Variants in L1CAM observed in about 807,000 individuals in gnomAD.
The protein encoded by L1CAM is L1 cell adhesion molecule, also known as neural cell adhesion molecule L1.
In L1CAM, 8 loss-of-function variants were observed where a neutral mutation model predicts 93.0. That is an observed-to-expected ratio of 0.09 (90% CI 0.05 to 0.16). The LOEUF is 0.16. Ranked by LOEUF, L1CAM falls within the 10% of genes least tolerant of loss-of-function variation. L1CAM has a pLI of 1.00. For missense variants in L1CAM, 777 were observed against 1,073.4 expected (o/e 0.72, Z 3.86); for synonymous variants, 453 against 453.0 (o/e 1.00, Z 0.00).
In L1CAM at chrX:153,872,373, C is replaced by T. The variant is rs1569544920; in HGVS notation, c.198-19G>A. 8.3e-7 allele frequency: 1 copy of T among 1,201,083 alleles called. No homozygotes were observed. The highest frequency in any genetic ancestry group is 3.0e-5 in the East Asian group (1 of 33,695). ...GCGGAACCTGTGGGCGGAAAAAGGCCCAGAGGCCTGAGGCCCTGGAACCCA... is the reference window on the plus strand; with the variant it reads ...GCGGAACCTGTGGGCGGAAAAAGGCTCAGAGGCCTGAGGCCCTGGAACCCA... On this transcript the variant is annotated intron_variant, in intron 4 of 28. Coordinates refer to ENST00000370060, the MANE Select transcript of L1CAM (RefSeq NM_001278116.2).
chrX:153,865,113 G>A lies in L1CAM; in HGVS notation c.2847C>T (p.Thr949=), dbSNP rs1348748260. ...QPPLSHNGVL[T]GYVLSYHPLD... The stretch of plus-strand genomic sequence containing the variant: ...GGGGGTGGTAGGAGAGCACGTAGCC[G>A]GTGAGCACGCCGTTGTGGCTGAGTG... The change falls in exon 22 of 29, where the codon ACC becomes ACT. Residue 949 remains threonine, a synonymous_variant. Coordinates refer to ENST00000370060, the MANE Select transcript of L1CAM (RefSeq NM_001278116.2). 12 of 1,210,681 alleles carry A rather than the reference G, an allele frequency of 9.9e-6. No individual in the cohort carries two copies. The highest frequency in any genetic ancestry group is 2.3e-4 in the Middle Eastern group (1 of 4,350).
intron 1 of L1CAM, among the ~76,000 whole-genome samples, chrX:153,883,091 T>A (rs1394946895): frequency 9.1e-6 from 1 of 110,393 alleles, no homozygotes; most frequent in Non-Finnish European, 1.9e-5. Flanking sequence ...CCATGGGGGG[T>A]CTGGGCCCAA....
intron 2 of L1CAM, 115 bp downstream of exon 2, chrX:153,875,646 A>C: frequency 1.2e-5 from 8 of 654,834 alleles, no homozygotes; most frequent in Non-Finnish European, 2.0e-5. Flanking sequence ...GTGCCCAGGA[A>C]AGGCCAGGGA....
At position 153,870,916 on chromosome X, in the gene L1CAM, T is replaced by C; in HGVS notation, c.568A>G (p.Asn190Asp). Residue 190 changes from asparagine (N) to aspartate (D), a missense_variant, in exon 7 of 29, where the codon AAC (asparagine) becomes GAC (aspartate). Around this residue, in one of 5 missense-constraint regions of L1CAM, gnomAD observed 574 missense variants for 781.0 expected, o/e 0.73. Transcript: ENST00000370060. ...ACATTGGCAAAGTAGAGGTTGCCGT[T>C]CTGGCCCATCGTCACCCGCTCGTCC... The part of the protein sequence containing the change: ...KQDERVTMGQ[N>D]GNLYFANVLT... 5 of 1,211,101 alleles carry C rather than the reference T, an allele frequency of 4.1e-6. No homozygotes were observed. Among genetic ancestry groups the C allele is most frequent in the Non-Finnish European group, 5.6e-6 (5 of 895,357 alleles).
At chrX:153,870,680 C>T in intron 7 of L1CAM, 110 bp downstream of exon 7, 1 of 905,599 alleles carries the variant, frequency 1.1e-6, no homozygotes, top group Non-Finnish European at 1.6e-6. Context: ...GAGGTGGGAG[C>T]CAAGCTGTTC....
intron 1 of L1CAM, among the ~76,000 whole-genome samples, chrX:153,884,837 G>GC (rs1432559786): frequency 2.7e-5 from 3 of 113,140 alleles, no homozygotes; most frequent in African/African-American, 9.6e-5. Flanking sequence ...CTGGGCAGCA[G>GC]CCCCCAGGGG....
rs1192196478 is a variant in L1CAM, at chrX:153,872,239, C to G, written c.313G>C (p.Ala105Pro). 1 of 1,205,688 alleles carries G rather than the reference C, an allele frequency of 8.3e-7. No individual in the cohort carries two copies. Among genetic ancestry groups the G allele is most frequent in the Non-Finnish European group, 1.1e-6 (1 of 893,501 alleles). The change falls in exon 5 of 29, where the codon GCT becomes CCT. Residue 105 changes from alanine to proline, a missense_variant. Ala to Pro is a conservative substitution (Grantham distance 27, BLOSUM62 -1). This residue lies in a region of L1CAM where 574 missense variants were observed against 781.0 expected (regional missense o/e 0.73). Coordinates refer to ENST00000370060, the MANE Select transcript of L1CAM (RefSeq NM_001278116.2). ...FTITGNNSNF[A>P]QRFQGIYRCF... ...CGGTAGATGCCCTGGAACCTCTGAGCAAAGTTGCTGTTGTTGCCCGTGATG... is the reference window on the plus strand; with the variant it reads ...CGGTAGATGCCCTGGAACCTCTGAGGAAAGTTGCTGTTGTTGCCCGTGATG...
rs137852525 is a variant in L1CAM at position 153,866,826 on chromosome X, C to T, written c.2254G>A (p.Val752Met). Residue 752 changes from valine to methionine, a missense_variant, in exon 19 of 29, where the codon GTG becomes ATG. Coordinates refer to ENST00000370060, the MANE Select transcript of L1CAM (RefSeq NM_001278116.2). ...DWNAPQVQYR[V>M]QWRPQGTRGP... ...CGTGTCCCCTGAGGGCGCCACTGCA[C>T]GCGGTACTGAACCTGGGGGGCGTTC... The T allele has an allele frequency of 1.7e-6, 2 of 1,211,656 alleles. No individual in the cohort carries two copies. The highest frequency in any genetic ancestry group is 2.2e-6 in the Non-Finnish European group (2 of 895,458).
At chrX:153,863,585 CCCAGCCTGACCCGGGGCT>C (rs1569544587) in intron 26 of L1CAM, 36 bp from the exon 27 acceptor site, 1 of 1,138,374 alleles carries the variant, frequency 8.8e-7, no homozygotes, top group East Asian at 3.0e-5. Flanking sequence ...CTTCTCCCGC[CCCAGCCTGACCCGGGGCT>C]CCAGGCCCCT....
At chrX:153,878,412 G>T (rs2064827145) in intron 1 of L1CAM, among the ~76,000 whole-genome samples, 1 of 113,210 alleles carries the variant, frequency 8.8e-6, no homozygotes, top group African/African-American at 3.2e-5. Flanking sequence ...TGGAGGCCAA[G>T]AGATGACTTG....
At chrX:153,867,238 G>A (rs914422846) in intron 17 of L1CAM, 114 bp from the exon 18 acceptor site, 8 of 980,881 alleles carry the variant, frequency 8.2e-6, no homozygotes, top group African/African-American at 1.9e-5. Context: ...CAGCCCCCTC[G>A]CGCTCCCCCT....
rs1369743518 is a variant in L1CAM at position 153,862,783 on chromosome X, C to G, written c.3654G>C (p.Gln1218His). 1 of 1,212,241 alleles carries G rather than the reference C, an allele frequency of 8.2e-7. No individual in the cohort carries two copies. Among genetic ancestry groups the G allele is most frequent in the Non-Finnish European group, 1.1e-6 (1 of 895,415 alleles). ...LADYGGSVDV[Q>H]FNEDGSFIGQ... Reference sequence around the variant, plus strand: ...CAATGAACGAACCATCCTCGTTGAACTGAACATCCACGCTGCCCCCATAAT... The same window carrying G: ...CAATGAACGAACCATCCTCGTTGAAGTGAACATCCACGCTGCCCCCATAAT... Residue 1218 changes from glutamine (Q) to histidine (H), a missense_variant, in exon 29 of 29, where the codon CAG (glutamine) becomes CAC (histidine). Around this residue, in one of 5 missense-constraint regions of L1CAM, gnomAD observed 110 missense variants for 141.7 expected, o/e 0.78. Transcript: ENST00000370060.
chrX:153,875,127 G>T (rs2064803240), intron 2 of L1CAM, among the ~76,000 whole-genome samples: 1 of 111,541 alleles, frequency 9.0e-6, no homozygotes, highest in Admixed American at 9.5e-5. Flanking sequence ...CCACTCACCT[G>T]CTTGTGCCCC....
chrX:153,872,482 G>T, intron 4 of L1CAM, 110 bp downstream of exon 4: 2 of 939,643 alleles, frequency 2.1e-6, no homozygotes, highest in Non-Finnish European at 3.1e-6. Flanking sequence ...AGGACTTGGG[G>T]TGATTAGCAA....
chrX:153,875,580 T>C (rs1557094291), intron 2 of L1CAM, 181 bp downstream of exon 2: 1 of 522,961 alleles, frequency 1.9e-6, no homozygotes, highest in Non-Finnish European at 3.4e-6. Context: ...CCGCACCTTC[T>C]ACCCTGCCCT....
chrX:153,875,972 G>T, intron 1 of L1CAM, 28 bp from the exon 2 acceptor site: 1 of 527,424 alleles, frequency 1.9e-6, no homozygotes, highest in South Asian at 2.5e-5. Flanking sequence ...GGAAGGGAAG[G>T]GTGGGGGAAG....
At chrX:153,869,496 A>G in intron 11 of L1CAM, 24 bp downstream of exon 11, 1 of 1,208,575 alleles carries the variant, frequency 8.3e-7, no homozygotes, top group Non-Finnish European at 1.1e-6. Context: ...GGGAGTTAGG[A>G]GGTAAGGAAG....
intron 5 of L1CAM, among the ~76,000 whole-genome samples, chrX:153,871,927 T>G (rs1183538394): frequency 1.2e-5 from 1 of 83,770 alleles, no homozygotes; most frequent in Admixed American, 1.7e-4. Flanking sequence ...CCTGAGGGAG[T>G]GAAAGGGCAT....
At chrX:153,880,660 C>T (rs1331748379) in intron 1 of L1CAM, 3 of 339,900 alleles carry the variant, frequency 8.8e-6, no homozygotes, top group South Asian at 7.8e-5. Flanking sequence ...GCCCTCCCCG[C>T]CCCGCTCCCC....
Sources: gnomAD v4.1 joint callset for allele counts (sites outside exome capture counted in the v4.1 genomes callset) on GRCh38, gnomAD v4.1.1 for gene constraint, gnomAD v4.1.1 regional missense constraint, MANE v1.5 for transcripts, NCBI Gene and HGNC (gene_info 2026-07-23, HGNC 2026-07-21) for gene names.